Variants in TBC1D14 observed in about 807,000 individuals in gnomAD.
The protein encoded by TBC1D14 is TBC1 domain family, member 14.
In TBC1D14, 26 loss-of-function variants were observed where a neutral mutation model predicts 79.0. The ratio of observed to expected loss-of-function variants is 0.33; its 90% CI spans 0.24 to 0.46. The LOEUF (loss-of-function observed/expected upper bound fraction) is 0.46, where lower values mean the gene tolerates loss of function less well. Ranked by LOEUF, TBC1D14 falls within the 20% of genes least tolerant of loss-of-function variation. The probability of loss-of-function intolerance (pLI) is 1.00; values close to 1 mark genes in which losing one functional copy is unlikely to be tolerated. For missense variants in TBC1D14, 769 were observed against 887.6 expected (o/e 0.87, Z 1.70); for synonymous variants, 394 against 349.9 (o/e 1.13, Z -1.40).
chr4:6,937,858 G>A (rs1040817507), intron 2 of TBC1D14, among the ~76,000 whole-genome samples: 15 of 152,138 alleles, frequency 9.9e-5, no homozygotes, highest in African/African-American at 2.9e-4. Context: ...GGTCGTCACC[G>A]TGTGGGCGGG....
intron 2 of TBC1D14, among the ~76,000 whole-genome samples, chr4:6,932,695 C>A (rs555153964): frequency 6.6e-6 from 1 of 152,278 alleles, no homozygotes; most frequent in East Asian, 1.9e-4. Context: ...GCAGCCATAG[C>A]GCAGTGTGGC....
chr4:7,007,514 C>T, intron 9 of TBC1D14: 1 of 1,288,596 alleles, frequency 7.8e-7, no homozygotes, highest in Non-Finnish European at 1.0e-6. Flanking sequence ...TTCTCACTGC[C>T]TTTACTCAGG....
At chr4:6,955,893 G>C (rs754551334) in intron 2 of TBC1D14, among the ~76,000 whole-genome samples, 2 of 152,140 alleles carry the variant, frequency 1.3e-5, no homozygotes, top group Non-Finnish European at 2.9e-5. Flanking sequence ...GCTCTGTGTT[G>C]TTTAGGTGGA....
At chr4:7,008,499 G>A (rs1466553560) in intron 9 of TBC1D14, among the ~76,000 whole-genome samples, 2 of 152,152 alleles carry the variant, frequency 1.3e-5, no homozygotes, top group Non-Finnish European at 2.9e-5. Context: ...CGCAGCCTCC[G>A]CCTCCCGGGT....
Position 6,999,053 on chromosome 4 carries a change from A to T in TBC1D14, c.1046-32A>T, listed in dbSNP as rs770668945. 10 of 1,601,004 alleles carry T rather than the reference A, an allele frequency of 6.2e-6. No individual in the cohort carries two copies. In the South Asian group the frequency reaches 1.1e-4, roughly 18 times the overall value. ...CTGGAAATGGTCCATATCAGTTAGT[A>T]GATTGTTGTTTTTCTAAATTGTGAT... On this transcript the variant is annotated intron_variant, in intron 5 of 13. Coordinates refer to ENST00000409757, the MANE Select transcript of TBC1D14 (RefSeq NM_020773.3).
At chr4:6,946,600 C>A (rs1034996289) in intron 2 of TBC1D14, among the ~76,000 whole-genome samples, 5 of 152,134 alleles carry the variant, frequency 3.3e-5, no homozygotes, top group Admixed American at 2.0e-4. Flanking sequence ...GGATTACAGG[C>A]GTGAACCACC....
chr4:6,993,216 T>C (rs1345826156), intron 3 of TBC1D14, among the ~76,000 whole-genome samples: 1 of 152,238 alleles, frequency 6.6e-6, no homozygotes, highest in African/African-American at 2.4e-5. Flanking sequence ...TTCAGGGGCA[T>C]TCCTGAGAGC....
At chr4:7,011,994 A>G (rs1401738206) in intron 11 of TBC1D14, among the ~76,000 whole-genome samples, 1 of 152,100 alleles carries the variant, frequency 6.6e-6, no homozygotes, top group Non-Finnish European at 1.5e-5. Flanking sequence ...TAGTACATAC[A>G]TAAAGTATTT....
In TBC1D14 at chr4:6,989,121, C is replaced by T. The variant is rs574565829; in HGVS notation, c.844-5063C>T. Among the ~76,000 whole-genome samples the T allele has an allele frequency of 2.6e-5, 4 of 152,078 alleles. No individual in the cohort carries two copies. In the East Asian group the frequency reaches 5.8e-4, roughly 22 times the overall value. On this transcript the variant is annotated intron_variant, in intron 3 of 13. Coordinates refer to ENST00000409757, the MANE Select transcript of TBC1D14 (RefSeq NM_020773.3). ...CAAATGTGCATTGAAGCAGGCTTTT[C>T]CCCCGCTTTTTAAACCAACAAACGT...
At chr4:6,987,271 A>G (rs903600750) in intron 3 of TBC1D14, 3 of 1,292,292 alleles carry the variant, frequency 2.3e-6, no homozygotes, top group Middle Eastern at 2.9e-4. Context: ...GCGGTCCGGG[A>G]GGGAGGGAGG....
intron 1 of TBC1D14, among the ~76,000 whole-genome samples, chr4:6,913,258 G>A (rs1288508923): frequency 6.6e-6 from 1 of 152,168 alleles, no homozygotes; most frequent in Non-Finnish European, 1.5e-5. Flanking sequence ...GCCTCCCAAA[G>A]TGCTGGGATT....
intron 1 of TBC1D14, among the ~76,000 whole-genome samples, chr4:6,911,951 T>A (rs984615860): frequency 2.0e-5 from 3 of 152,194 alleles, no homozygotes; most frequent in East Asian, 3.8e-4. Context: ...TTGTTAACTT[T>A]AAAAAAATTT....
At position 6,993,807 on chromosome 4, in the gene TBC1D14, C is replaced by A. The variant is rs559490688; in HGVS notation, c.844-377C>A. Among the ~76,000 whole-genome samples the A allele has an allele frequency of 4.5e-4, 69 of 152,252 alleles. 1 individual carries two copies. Among genetic ancestry groups the A allele is most frequent in the African/African-American group, 1.6e-3 (65 of 41,554 alleles). ...GGTGGATCACCTGAGGTCAGGAGTT[C>A]AAGACCAGCCTGGCCAACATGGTGA... On this transcript the variant is annotated intron_variant, in intron 3 of 13. Coordinates refer to ENST00000409757, the MANE Select transcript of TBC1D14 (RefSeq NM_020773.3).
intron 2 of TBC1D14, among the ~76,000 whole-genome samples, chr4:6,932,166 C>T (rs990331761): frequency 6.6e-6 from 1 of 151,980 alleles, no homozygotes; most frequent in Admixed American, 6.6e-5. Flanking sequence ...TCAAGACCAG[C>T]CTGGCCAAGA....
At chr4:6,918,285 C>T (rs527557594) in intron 1 of TBC1D14, among the ~76,000 whole-genome samples, 3 of 152,304 alleles carry the variant, frequency 2.0e-5, no homozygotes, top group African/African-American at 4.8e-5. Flanking sequence ...CAATTCCAGG[C>T]GTGAGTGATG....
chr4:6,912,085 A>G (rs1723040558), intron 1 of TBC1D14, among the ~76,000 whole-genome samples: 1 of 152,122 alleles, frequency 6.6e-6, no homozygotes, highest in Admixed American at 6.6e-5. Flanking sequence ...CATTTGTTTT[A>G]GGACCACGTA....
chr4:6,978,361 T>A (rs1577112605), intron 3 of TBC1D14, among the ~76,000 whole-genome samples: 1 of 148,408 alleles, frequency 6.7e-6, no homozygotes, highest in African/African-American at 2.5e-5. Flanking sequence ...TAGAAAGAGG[T>A]AGACATGGGA....
chr4:6,917,661 G>T (rs542168626), intron 1 of TBC1D14, among the ~76,000 whole-genome samples: 1 of 152,108 alleles, frequency 6.6e-6, no homozygotes, highest in Non-Finnish European at 1.5e-5. Flanking sequence ...GATCAGGAGG[G>T]CCCTGTGTGT....
chr4:6,987,161 G>T, intron 3 of TBC1D14: 1 of 1,202,546 alleles, frequency 8.3e-7, no homozygotes, highest in Non-Finnish European at 1.0e-6. Flanking sequence ...CGCCGAGCCG[G>T]CAGCGCGGAT....
Sources: gnomAD v4.1 joint callset for allele counts (sites outside exome capture counted in the v4.1 genomes callset) on GRCh38, gnomAD v4.1.1 for gene constraint, MANE v1.5 for transcripts, NCBI Gene and HGNC (gene_info 2026-07-23, HGNC 2026-07-21) for gene names.